Variants in EPB41 observed in about 807,000 individuals in gnomAD.
The protein encoded by EPB41 is protein 4.1.
EPB41 carries 65 observed loss-of-function variants against 108.0 expected under a neutral mutation model. The ratio of observed to expected loss-of-function variants is 0.60; its 90% confidence interval spans 0.49 to 0.74. The LOEUF is 0.74. EPB41 is among the 30% of genes least tolerant of loss of function. EPB41 has a pLI of 0.00. For synonymous variants in EPB41, 336 were observed against 358.9 expected (o/e 0.94, Z 0.72); for missense variants, 875 against 1,037.0 (o/e 0.84, Z 2.15).
intron 17 of EPB41, among the ~76,000 whole-genome samples, chr1:29,100,864 G>A (rs1305561419): frequency 6.6e-6 from 1 of 150,822 alleles, no homozygotes; most frequent in Non-Finnish European, 1.5e-5. Flanking sequence ...AGGTGTTCAA[G>A]GCTACAGTGA....
Position 28,887,227 on chromosome 1 carries a change from TG to T in EPB41, c.-8+23del, listed in dbSNP as rs912062818. The T allele has an allele frequency of 4.8e-5, 61 of 1,281,064 alleles. No individual in the cohort carries two copies. Among genetic ancestry groups the T allele is most frequent in the Non-Finnish European group, 5.4e-5 (53 of 984,998 alleles). 79.4% of individuals were successfully genotyped at this position (1,281,064 alleles called of 1,614,324 possible). A position where few individuals can be genotyped will look rare whatever the true frequency, so the allele number is the denominator to read the frequency against. ...CCAGCCCAGGTGAGCCTGGACCACC[TG>T]GGGGGCGACCCTCGGTCCCCGGGAG... On this transcript the variant is annotated intron_variant, in intron 1 of 16. Transcript: ENST00000347529. This position sits in a 1 kb window ranked among gnomAD's most constrained non-coding sequence, Gnocchi z 4.9.
chr1:28,998,923 A>G (rs2096241972), intron 4 of EPB41, among the ~76,000 whole-genome samples: 1 of 152,240 alleles, frequency 6.6e-6, no homozygotes, highest in African/African-American at 2.4e-5. Context: ...AAATATATAC[A>G]ACTATAATTT....
At chr1:29,049,459 A>G (rs1644102952) in intron 11 of EPB41, among the ~76,000 whole-genome samples, 1 of 152,196 alleles carries the variant, frequency 6.6e-6, no homozygotes, top group South Asian at 2.1e-4. Flanking sequence ...TTAAAACAAA[A>G]CACATGCCCA....
At position 28,970,890 on chromosome 1, in the gene EPB41, C is replaced by A. The variant is rs575204062; in HGVS notation, c.-7-16541C>A. ...TGGAGATGGAGTCTTGCTCTGTCGC[C>A]CAGGCTGAGTGCAAAGGTGCGATCT... is the stretch of plus-strand genomic sequence containing the variant. On this transcript the variant is annotated intron_variant, in intron 1 of 20. Coordinates refer to ENST00000343067, the MANE Select transcript of EPB41 (RefSeq NM_001376013.1). Among the ~76,000 whole-genome samples, 282 of 152,314 alleles carry A rather than the reference C, an allele frequency of 1.9e-3. 1 individual carries two copies. The highest frequency in any genetic ancestry group is 6.4e-3 in the African/African-American group (265 of 41,566).
chr1:29,020,816 C>T (rs1249971794), intron 7 of EPB41, among the ~76,000 whole-genome samples: 1 of 152,040 alleles, frequency 6.6e-6, no homozygotes, highest in Non-Finnish European at 1.5e-5. Context: ...TGCTACCATG[C>T]CCAGCTAATT....
intron 1 of EPB41, among the ~76,000 whole-genome samples, chr1:28,889,348 G>A (rs1053999306): frequency 4.6e-5 from 7 of 152,240 alleles, no homozygotes; most frequent in Admixed American, 2.6e-4. Flanking sequence ...CATGGGGCAT[G>A]GGTGGAGTGC....
intron 16 of EPB41, among the ~76,000 whole-genome samples, chr1:29,094,487 G>A (rs1662504090): frequency 6.6e-6 from 1 of 151,934 alleles, no homozygotes; most frequent in Non-Finnish European, 1.5e-5. Flanking sequence ...CGTTGGCCAG[G>A]GTGGTCTCAA....
chr1:29,029,101 A>G (rs1298522372), intron 7 of EPB41, among the ~76,000 whole-genome samples: 3 of 152,172 alleles, frequency 2.0e-5, no homozygotes, highest in Non-Finnish European at 2.9e-5. Context: ...CAACAGAAAC[A>G]TAAAATAGGA....
At chr1:28,951,835 G>T (rs894441731) in intron 1 of EPB41, among the ~76,000 whole-genome samples, 2 of 152,036 alleles carry the variant, frequency 1.3e-5, no homozygotes, top group Non-Finnish European at 2.9e-5. Flanking sequence ...GCCTGATTGT[G>T]CCATCGTACT....
At chr1:28,966,456 G>A (rs2095358966) in intron 1 of EPB41, among the ~76,000 whole-genome samples, 3 of 152,056 alleles carry the variant, frequency 2.0e-5, no homozygotes, top group South Asian at 4.1e-4. Flanking sequence ...GCAACATTCT[G>A]GGCAACAGGG....
intron 16 of EPB41, chr1:29,068,588 G>A (rs1456515650): frequency 2.3e-6 from 1 of 444,004 alleles, no homozygotes; most frequent in African/African-American, 2.0e-5. Context: ...TTTAATATTG[G>A]GTAATTCTAC....
intron 16 of EPB41, chr1:29,096,233 G>T (rs2151473756): frequency 2.0e-6 from 2 of 985,834 alleles, no homozygotes; most frequent in South Asian, 9.4e-5. Flanking sequence ...TGAATGGGAG[G>T]GTCCCAAGCA....
At chr1:28,887,113 G>C (rs774492187), upstream of EPB41, 6 of 698,194 alleles carry the variant, frequency 8.6e-6, no homozygotes, top group South Asian at 4.4e-5. The surrounding 1 kb of genome is among the most constrained non-coding windows in gnomAD (Gnocchi z 4.9). Context: ...AGTGCAGGTG[G>C]AGGCCCCGGC....
chr1:29,081,416 G>A (rs1368487747), intron 16 of EPB41, among the ~76,000 whole-genome samples: 1 of 152,140 alleles, frequency 6.6e-6, no homozygotes, highest in Admixed American at 6.5e-5. Flanking sequence ...GGTGTGAGGA[G>A]AGCTTGTTCC....
At chr1:29,110,021 A>G (rs962552750) in intron 18 of EPB41, among the ~76,000 whole-genome samples, 1 of 151,788 alleles carries the variant, frequency 6.6e-6, no homozygotes, top group African/African-American at 2.4e-5. Context: ...GTGAGCGAGC[A>G]GACTCTATCT....
At chr1:29,053,782 A>G (rs998215718) in intron 12 of EPB41, 5 of 160,380 alleles carry the variant, frequency 3.1e-5, no homozygotes, top group Non-Finnish European at 6.9e-5. Context: ...GATGGTCTTG[A>G]TCTCCTGACC....
chr1:28,925,614 G>A (rs2093403092), intron 1 of EPB41, among the ~76,000 whole-genome samples: 2 of 152,112 alleles, frequency 1.3e-5, no homozygotes, highest in Non-Finnish European at 2.9e-5. Flanking sequence ...AGTGAGCTGT[G>A]CAGGTATCTG....
intron 17 of EPB41, 133 bp from the exon 18 acceptor site, chr1:29,109,203 A>G: frequency 4.1e-6 from 3 of 738,784 alleles, no homozygotes; most frequent in Non-Finnish European, 7.1e-6. Flanking sequence ...CGTCTCAAAA[A>G]AAAAAAAAGA....
intron 4 of EPB41, among the ~76,000 whole-genome samples, chr1:29,010,785 T>C (rs1263045800): frequency 1.3e-5 from 2 of 152,166 alleles, no homozygotes; most frequent in Non-Finnish European, 2.9e-5. Context: ...AAACGTTAAC[T>C]GGGCACAAGC....
Sources: allele counts gnomAD v4.1 joint callset (sites outside exome capture counted in the v4.1 genomes callset), GRCh38; gene constraint gnomAD v4.1.1; non-coding constraint Gnocchi (gnomAD v3.1); transcripts MANE v1.5; gene names NCBI Gene and HGNC (gene_info 2026-07-23, HGNC 2026-07-21).